PREX1: variants seen among roughly 807,000 people sequenced by gnomAD.
PREX1 encodes the protein phosphatidylinositol-3,4,5-trisphosphate dependent Rac exchange factor 1.
PREX1 carries 41 observed loss-of-function variants against 198.3 expected under a neutral mutation model. That is an observed-to-expected ratio of 0.21 (90% CI 0.16 to 0.27). The LOEUF is 0.27. Among genes scored for constraint, PREX1 ranks in the 10% least tolerant of loss-of-function variants. PREX1 has a pLI of 1.00. For missense variants in PREX1, 1,620 were observed against 2,200.7 expected (o/e 0.74, Z 5.28); for synonymous variants, 843 against 887.2 (o/e 0.95, Z 0.89).
chr20:48,710,473 ACT>A (rs1244426039), intron 5 of PREX1, among the ~76,000 whole-genome samples: 1 of 151,948 alleles, frequency 6.6e-6, no homozygotes, highest in Non-Finnish European at 1.5e-5. Context: ...CCTCATGTCA[ACT>A]CTCTATCAGG....
chr20:48,637,629 A>G, intron 31 of PREX1, 82 bp downstream of exon 31: 3 of 1,371,592 alleles, frequency 2.2e-6, no homozygotes, highest in Non-Finnish European at 3.0e-6. Context: ...CCCCCCGTCC[A>G]GGCCCCGAGG....
At chr20:48,711,459 C>G (rs997585926) in intron 5 of PREX1, among the ~76,000 whole-genome samples, 1 of 152,158 alleles carries the variant, frequency 6.6e-6, no homozygotes, top group East Asian at 1.9e-4. Context: ...GGCCAGTCAG[C>G]TCCCGGTGGG....
intron 36 of PREX1, 76 bp downstream of exon 36, chr20:48,630,652 C>T: frequency 7.5e-7 from 1 of 1,325,702 alleles, no homozygotes; most frequent in South Asian, 1.2e-5. Context: ...CAACCCTGGG[C>T]CTGTCTGCTG....
intron 11 of PREX1, among the ~76,000 whole-genome samples, chr20:48,680,109 C>A (rs2089739624): frequency 1.3e-5 from 2 of 152,198 alleles, no homozygotes; most frequent in Non-Finnish European, 2.9e-5. Flanking sequence ...ATCTAGATCA[C>A]CAATGGATGG....
Position 48,639,793 on chromosome 20 carries a change from C to T in PREX1, c.3877G>A (p.Val1293Met), listed in dbSNP as rs1432584660. The part of the protein sequence containing the change: ...WNLPNSIKTL[V>M]DNIQRYVEDG... ...TCCACATATCTCTGAATGTTGTCCA[C>T]CAGGGTCTTGATGGAGTTGGGGAGG... Residue 1293 changes from valine to methionine, a missense_variant, in exon 30 of 40, where the codon GTG (valine) becomes ATG (methionine). Physicochemically the swap from Val to Met is conservative, Grantham distance 21 (BLOSUM62 1). Coordinates refer to ENST00000371941, the MANE Select transcript of PREX1 (RefSeq NM_020820.4). 2 of 1,613,970 alleles carry T rather than the reference C, an allele frequency of 1.2e-6. No individual in the cohort carries two copies. The highest frequency in any genetic ancestry group is 2.7e-5 in the African/African-American group (2 of 74,898).
rs780315223 is a variant in PREX1 at position 48,642,202 on chromosome 20, C to T, written c.3741G>A (p.Glu1247=). The change falls in exon 29 of 40, where the codon GAG becomes GAA. Residue 1247 remains glutamate (E), a synonymous_variant. Transcript: ENST00000371941. ...TGTGGTTCATAGGGAAATGCTTGGT[C>T]TCTTCGAAAGCCCGGCTCATGACTG... The part of the protein sequence containing the change: ...KGPVMSRAFE[E]TKHFPMNHSL... 10 of 1,614,204 alleles carry T rather than the reference C, an allele frequency of 6.2e-6. No individual in the cohort carries two copies. The highest frequency in any genetic ancestry group is 2.2e-5 in the East Asian group (1 of 44,882).
In PREX1 at chr20:48,676,188, C is replaced by G; in HGVS notation, c.1665+5G>C. 1 of 1,613,588 alleles carries G rather than the reference C, an allele frequency of 6.2e-7. No individual in the cohort carries two copies. The highest frequency in any genetic ancestry group is 2.2e-5 in the East Asian group (1 of 44,880). On this transcript the variant is annotated splice_donor_5th_base_variant and intron_variant, in intron 14 of 39. Coordinates refer to ENST00000371941, the MANE Select transcript of PREX1 (RefSeq NM_020820.4). ...CTGGTCACACACCCCTGAGGAGGCC[C>G]TCACCTGAGCCAGCAGCCAGTCCAC... is the stretch of plus-strand genomic sequence containing the variant.
intron 4 of PREX1, among the ~76,000 whole-genome samples, chr20:48,727,610 G>GGT (rs935265302): frequency 2.4e-4 from 36 of 152,048 alleles, no homozygotes; most frequent in African/African-American, 8.7e-4. Flanking sequence ...AGATCCCTGG[G>GGT]GTGTGAGAGG....
At chr20:48,811,679 TACAC>T (rs145621364) in intron 1 of PREX1, among the ~76,000 whole-genome samples, 1 of 98,958 alleles carries the variant, frequency 1.0e-5, no homozygotes, top group Non-Finnish European at 2.2e-5. Context: ...CAGACCTGGA[TACAC>T]ACACACACGT....
At chr20:48,756,864 G>A (rs1309742278) in intron 1 of PREX1, among the ~76,000 whole-genome samples, 1 of 152,192 alleles carries the variant, frequency 6.6e-6, no homozygotes, top group East Asian at 1.9e-4. Context: ...GGCTGAGGAG[G>A]CCTCACAATC....
chr20:48,840,343 A>G, the PREX1 span, among the ~76,000 whole-genome samples: 908 of 149,120 alleles, frequency 6.1e-3, 5 homozygotes, highest in African/African-American at 0.021. Context: ...CTTAACCAAA[A>G]AAAAAAAAAA....
chr20:48,680,713 C>A (rs566936365), intron 11 of PREX1, among the ~76,000 whole-genome samples: 2 of 152,176 alleles, frequency 1.3e-5, no homozygotes, highest in East Asian at 3.9e-4. Context: ...TCCAATGTTA[C>A]CTTCTCGGTG....
intron 4 of PREX1, among the ~76,000 whole-genome samples, chr20:48,732,827 C>T (rs1336511409): frequency 2.0e-5 from 3 of 152,284 alleles, no homozygotes; most frequent in East Asian, 1.9e-4. Context: ...CTTCCTGTTA[C>T]GCCCTGAAAA....
chr20:48,642,315 C>T, intron 28 of PREX1, 57 bp from the exon 29 acceptor site: 1 of 1,605,664 alleles, frequency 6.2e-7, no homozygotes, highest in Non-Finnish European at 8.5e-7. Context: ...ACACTGCAGA[C>T]ATCTGGGACC....
At chr20:48,720,927 C>A (rs1325593787) in intron 5 of PREX1, among the ~76,000 whole-genome samples, 1 of 152,132 alleles carries the variant, frequency 6.6e-6, no homozygotes, top group East Asian at 1.9e-4. Flanking sequence ...CGTGCACAGA[C>A]CCAAGGCTGT....
intron 1 of PREX1, among the ~76,000 whole-genome samples, chr20:48,792,505 C>T (rs1190560392): frequency 3.3e-5 from 5 of 152,092 alleles, no homozygotes; most frequent in Non-Finnish European, 7.4e-5. Context: ...CTAGCACCCG[C>T]GCTGTCCCAG....
intron 36 of PREX1, 65 bp downstream of exon 36, chr20:48,630,663 A>AGTC (rs1365068628): frequency 7.1e-7 from 1 of 1,408,624 alleles, no homozygotes; most frequent in Non-Finnish European, 1.0e-6. Context: ...CTGTCTGCTG[A>AGTC]GTCCTGACTC....
chr20:48,768,658 G>A (rs984894329), intron 1 of PREX1, among the ~76,000 whole-genome samples: 2 of 152,102 alleles, frequency 1.3e-5, no homozygotes, highest in African/African-American at 4.8e-5. Flanking sequence ...GCCAGGCATG[G>A]TGGCTACTCA....
intron 25 of PREX1, among the ~76,000 whole-genome samples, chr20:48,647,488 T>C (rs1216379621): frequency 1.4e-5 from 2 of 139,858 alleles, no homozygotes; most frequent in African/African-American, 5.6e-5. Flanking sequence ...ACCACTGCAT[T>C]GCAGCCTGGT....
Sources: gnomAD v4.1 joint callset for allele counts (sites outside exome capture counted in the v4.1 genomes callset) on GRCh38, gnomAD v4.1.1 for gene constraint, MANE v1.5 for transcripts, NCBI Gene and HGNC (gene_info 2026-07-23, HGNC 2026-07-21) for gene names.